FAR2: variants seen among roughly 807,000 people sequenced by gnomAD.
FAR2 encodes the protein fatty acyl-CoA reductase 2, also known as epididymis secretory protein Li 81.
FAR2 carries 19 observed loss-of-function variants against 56.0 expected under a neutral mutation model. That is an observed-to-expected ratio of 0.34 (90% CI 0.24 to 0.50). The LOEUF (loss-of-function observed/expected upper bound fraction) is 0.50, where lower values mean the gene tolerates loss of function less well. FAR2 is among the 20% of genes least tolerant of loss of function. FAR2 has a pLI of 0.98. For missense variants in FAR2, 508 were observed against 642.2 expected (o/e 0.79, Z 2.26); for synonymous variants, 219 against 218.8 (o/e 1.00, Z -0.01).
At chr12:29,242,692 A>G (rs1382104633) in intron 1 of FAR2, among the ~76,000 whole-genome samples, 2 of 152,202 alleles carry the variant, frequency 1.3e-5, no homozygotes, top group African/African-American at 4.8e-5. Flanking sequence ...CCGATATTAG[A>G]GTCACTTTCT....
Position 29,316,921 on chromosome 12 carries a change from A to G in FAR2, c.1036A>G (p.Ser346Gly), listed in dbSNP as rs1451046729. The G allele has an allele frequency of 1.9e-5, 31 of 1,614,122 alleles. No individual in the cohort carries two copies. Among genetic ancestry groups the G allele is most frequent in the Non-Finnish European group, 2.6e-5 (31 of 1,180,008 alleles). ...GCCAAATGCTAATTTTACCAGCAAC[A>G]GCTTCACATCACAGTACTGGAATGC... ...RRPNANFTSN[S>G]FTSQYWNAVS... Residue 346 changes from serine to glycine, a missense_variant, in exon 9 of 12, where the codon AGC (serine) becomes GGC (glycine). Physicochemically the swap from Ser to Gly is moderately conservative, Grantham distance 56. Coordinates refer to ENST00000536681, the MANE Select transcript of FAR2 (RefSeq NM_001271783.2).
At chr12:29,320,005 C>CA (rs1166760836) in intron 9 of FAR2, among the ~76,000 whole-genome samples, 2 of 152,030 alleles carry the variant, frequency 1.3e-5, no homozygotes, top group Non-Finnish European at 2.9e-5. Context: ...ACTTCAAGAC[C>CA]AGACTAGGCA....
intron 2 of FAR2, chr12:29,291,441 G>C (rs1161020919): frequency 2.2e-6 from 1 of 455,876 alleles, no homozygotes; most frequent in Non-Finnish European, 4.4e-6. Context: ...TGCGAAGATT[G>C]CTCTGGGCAG....
At chr12:29,266,493 A>G (rs1305764520) in intron 1 of FAR2, among the ~76,000 whole-genome samples, 1 of 152,174 alleles carries the variant, frequency 6.6e-6, no homozygotes, top group Non-Finnish European at 1.5e-5. Context: ...AAGGATGGTT[A>G]GCAGTGGCTG....
intron 1 of FAR2, among the ~76,000 whole-genome samples, chr12:29,207,356 T>C (rs1481641933): frequency 5.9e-5 from 9 of 152,194 alleles, no homozygotes; most frequent in African/African-American, 1.9e-4. Flanking sequence ...TCCTGGCTGA[T>C]ACTATGGGAA....
intron 8 of FAR2, among the ~76,000 whole-genome samples, chr12:29,314,508 A>G (rs1356550384): frequency 1.3e-5 from 2 of 151,388 alleles, no homozygotes; most frequent in Non-Finnish European, 2.9e-5. Flanking sequence ...ATTTAATGAG[A>G]TAAAGTGCTT....
chr12:29,241,540 A>T (rs986679040), intron 1 of FAR2, among the ~76,000 whole-genome samples: 1 of 152,064 alleles, frequency 6.6e-6, no homozygotes, highest in Non-Finnish European at 1.5e-5. Context: ...CTCTCCAGCT[A>T]ATTCTCTTAT....
chr12:29,231,739 G>C (rs2216855), intron 1 of FAR2, among the ~76,000 whole-genome samples: 1 of 152,118 alleles, frequency 6.6e-6, no homozygotes, highest in Non-Finnish European at 1.5e-5. Flanking sequence ...AAAATGATGC[G>C]TGCAGATACT....
At position 29,316,895 on chromosome 12, in the gene FAR2, G is replaced by T; in HGVS notation, c.1010G>T (p.Arg337Met). The change falls in exon 9 of 12, where the codon AGG becomes ATG. Residue 337 changes from arginine to methionine, a missense_variant. Arg to Met is a moderately conservative substitution (Grantham distance 91, BLOSUM62 -1). Transcript: ENST00000536681. ...ATCCCATTTGAGAGACCTTTCAGGAGGCCAAATGCTAATTTTACCAGCAAC... is the reference window on the plus strand; with the variant it reads ...ATCCCATTTGAGAGACCTTTCAGGATGCCAAATGCTAATTTTACCAGCAAC... The part of the protein sequence containing the change: ...EKIPFERPFR[R>M]PNANFTSNSF... 1 of 1,614,126 alleles carries T rather than the reference G, an allele frequency of 6.2e-7. No individual in the cohort carries two copies. The highest frequency in any genetic ancestry group is 1.1e-5 in the South Asian group (1 of 91,072).
At chr12:29,268,086 A>C (rs1948547820) in intron 1 of FAR2, among the ~76,000 whole-genome samples, 2 of 152,214 alleles carry the variant, frequency 1.3e-5, no homozygotes, top group East Asian at 3.9e-4. Context: ...AAGATCTTCA[A>C]ATATAAATTA....
chr12:29,192,527 A>G (rs1166474215), intron 1 of FAR2, among the ~76,000 whole-genome samples: 5 of 152,162 alleles, frequency 3.3e-5, no homozygotes, highest in Non-Finnish European at 1.5e-5. Context: ...AACTTTCCCA[A>G]TTTACGTGGT....
chr12:29,150,467 A>G (rs1015977100), intron 1 of FAR2, among the ~76,000 whole-genome samples: 3 of 152,188 alleles, frequency 2.0e-5, no homozygotes, highest in Admixed American at 6.5e-5. Flanking sequence ...GAGAAATTTG[A>G]CACTGGGCAA....
chr12:29,158,899 A>G (rs779906316), intron 1 of FAR2, among the ~76,000 whole-genome samples: 1 of 152,254 alleles, frequency 6.6e-6, no homozygotes, highest in African/African-American at 2.4e-5. Context: ...CATCAAGGCT[A>G]GTATCCACAT....
chr12:29,166,083 A>C (rs1949824888), intron 1 of FAR2, among the ~76,000 whole-genome samples: 3 of 151,810 alleles, frequency 2.0e-5, no homozygotes, highest in Admixed American at 6.6e-5. Flanking sequence ...TGTGAATAAC[A>C]ACATCTACAC....
At chr12:29,172,413 A>T (rs1018615340) in intron 1 of FAR2, among the ~76,000 whole-genome samples, 2 of 151,972 alleles carry the variant, frequency 1.3e-5, no homozygotes, top group Non-Finnish European at 2.9e-5. Flanking sequence ...GTCCTTGCAA[A>T]CCACACTGAT....
intron 1 of FAR2, among the ~76,000 whole-genome samples, chr12:29,248,252 C>T (rs1308632617): frequency 2.6e-5 from 4 of 152,054 alleles, no homozygotes; most frequent in Non-Finnish European, 2.9e-5. Flanking sequence ...AAGGGTATAT[C>T]GGGGAACCTG....
intron 1 of FAR2, among the ~76,000 whole-genome samples, chr12:29,256,965 G>T (rs531179052): frequency 6.6e-6 from 1 of 152,132 alleles, no homozygotes; most frequent in Non-Finnish European, 1.5e-5. Context: ...CCTCCTCGAC[G>T]AGCGCCACCC....
intron 1 of FAR2, among the ~76,000 whole-genome samples, chr12:29,187,183 A>C (rs1459542464): frequency 2.0e-5 from 3 of 152,118 alleles, no homozygotes; most frequent in African/African-American, 7.2e-5. Flanking sequence ...CCAGCTAATA[A>C]AGTATTTATG....
intron 2 of FAR2, chr12:29,282,181 CCA>C (rs1948796670): frequency 1.3e-5 from 2 of 152,046 alleles, no homozygotes. Context: ...CATCAGCTTG[CCA>C]GGAATGAAGT....
Sources: gnomAD v4.1 joint callset for allele counts (sites outside exome capture counted in the v4.1 genomes callset) on GRCh38, gnomAD v4.1.1 for gene constraint, MANE v1.5 for transcripts, NCBI Gene and HGNC (gene_info 2026-07-23, HGNC 2026-07-21) for gene names.